Variants in PTPRT observed in about 807,000 individuals in gnomAD.
PTPRT encodes the protein protein tyrosine phosphatase receptor type T.
PTPRT carries 56 observed loss-of-function variants against 176.8 expected under a neutral mutation model. The observed-to-expected ratio is 0.32, with a 90% CI of 0.26 to 0.40. The LOEUF is 0.40. Among genes scored for constraint, PTPRT ranks in the 10% least tolerant of loss-of-function variants. The probability of loss-of-function intolerance (pLI) is 1.00; values close to 1 mark genes in which losing one functional copy is unlikely to be tolerated. For synonymous variants in PTPRT, 783 were observed against 739.0 expected (o/e 1.06, Z -0.96); for missense variants, 1,540 against 1,908.2 (o/e 0.81, Z 3.60).
the PTPRT span, among the ~76,000 whole-genome samples, chr20:42,050,256 CT>C: frequency 1.3e-5 from 2 of 152,108 alleles, no homozygotes; most frequent in African/African-American, 4.8e-5. Context: ...TGGGATCCTT[CT>C]GCTTGTCTGA....
Position 42,905,292 on chromosome 20 carries a change from T to C in PTPRT, c.89-19360A>G, listed in dbSNP as rs191755361. On this transcript the variant is annotated intron_variant, in intron 1 of 30. Transcript: ENST00000373187. ...GACACTTATCAAAAGAAGACATCTA[T>C]GCAGCCAACAGACACATGAAAAAAT... 1.8e-3 allele frequency among the ~76,000 whole-genome samples: 268 copies of C among 152,332 alleles called. 3 individuals carry two copies. Among genetic ancestry groups the C allele is most frequent in the Admixed American group, 1.0e-2 (153 of 15,308 alleles).
chr20:42,212,065 C>T (rs1177735203), intron 15 of PTPRT, among the ~76,000 whole-genome samples: 12 of 138,992 alleles, frequency 8.6e-5, no homozygotes, highest in African/African-American at 3.2e-4. Context: ...CCAAACACCG[C>T]ATATTCTCAC....
At chr20:42,124,110 G>C (rs1387060478) in intron 19 of PTPRT, among the ~76,000 whole-genome samples, 1 of 152,170 alleles carries the variant, frequency 6.6e-6, no homozygotes, top group East Asian at 1.9e-4. Context: ...AGTCCCCAAA[G>C]AGAAAACATT....
intron 7 of PTPRT, among the ~76,000 whole-genome samples, chr20:42,476,471 G>A (rs1026384319): frequency 6.6e-6 from 1 of 152,202 alleles, no homozygotes; most frequent in Non-Finnish European, 1.5e-5. Context: ...AGGTCGGCAT[G>A]CCTTGGGCCT....
chr20:42,715,513 T>C (rs1480985697), intron 6 of PTPRT, among the ~76,000 whole-genome samples: 2 of 152,036 alleles, frequency 1.3e-5, no homozygotes, highest in East Asian at 1.9e-4. Context: ...ATATCTAAAA[T>C]AAAAAGCTTA....
intron 17 of PTPRT, among the ~76,000 whole-genome samples, chr20:42,145,910 T>C (rs1023845116): frequency 6.6e-6 from 1 of 152,214 alleles, no homozygotes; most frequent in Non-Finnish European, 1.5e-5. Context: ...AATCTGGGTA[T>C]GGCAAAAATG....
intron 1 of PTPRT, among the ~76,000 whole-genome samples, chr20:43,007,927 A>G (rs2146144259): frequency 6.6e-6 from 1 of 152,334 alleles, no homozygotes; most frequent in South Asian, 2.1e-4. Flanking sequence ...AGAACCCTCT[A>G]TGAGTGTGAA....
At chr20:42,531,772 C>T (rs1007242615) in intron 7 of PTPRT, among the ~76,000 whole-genome samples, 14 of 152,202 alleles carry the variant, frequency 9.2e-5, no homozygotes, top group Admixed American at 3.9e-4. Flanking sequence ...GGCTGTCCTC[C>T]ACAGGCTTAC....
chr20:42,527,353 C>T (rs2072296834), intron 7 of PTPRT, among the ~76,000 whole-genome samples: 1 of 152,100 alleles, frequency 6.6e-6, no homozygotes. Context: ...TGTGCTTTAT[C>T]CCTGAAATTG....
At chr20:42,815,701 A>G (rs1173850515) in intron 2 of PTPRT, among the ~76,000 whole-genome samples, 1 of 152,230 alleles carries the variant, frequency 6.6e-6, no homozygotes, top group Non-Finnish European at 1.5e-5. Context: ...TGGATTTTTA[A>G]AAGTGTTTAG....
chr20:42,559,900 T>C (rs1358220189), intron 7 of PTPRT, among the ~76,000 whole-genome samples: 2 of 152,226 alleles, frequency 1.3e-5, no homozygotes, highest in Non-Finnish European at 2.9e-5. Flanking sequence ...TGAGAAGTTT[T>C]TGAACTGTAT....
At chr20:42,925,299 C>T (rs913172910) in intron 1 of PTPRT, among the ~76,000 whole-genome samples, 5 of 152,158 alleles carry the variant, frequency 3.3e-5, no homozygotes, top group African/African-American at 1.2e-4. Flanking sequence ...AACCTGGTCT[C>T]ATTTGCTATA....
chr20:43,108,009 G>C (rs1432367380), intron 1 of PTPRT, among the ~76,000 whole-genome samples: 1 of 152,176 alleles, frequency 6.6e-6, no homozygotes, highest in African/African-American at 2.4e-5. Flanking sequence ...ATGTTGCATA[G>C]TGTATTTTTC....
chr20:42,823,159 C>T (rs187694601), intron 2 of PTPRT, among the ~76,000 whole-genome samples: 29 of 151,986 alleles, frequency 1.9e-4, no homozygotes, highest in East Asian at 1.9e-4. Flanking sequence ...AATGATAGAC[C>T]GGATAAAGAA....
intron 1 of PTPRT, among the ~76,000 whole-genome samples, chr20:43,012,977 A>G (rs190503225): frequency 2.8e-4 from 43 of 151,822 alleles, no homozygotes; most frequent in East Asian, 3.9e-4. Context: ...TCCATAAATC[A>G]TTCACAGGAA....
At chr20:42,633,973 ATATAT>A (rs1330820063) in intron 7 of PTPRT, among the ~76,000 whole-genome samples, 1 of 27,040 alleles carries the variant, frequency 3.7e-5, no homozygotes, top group African/African-American at 2.1e-4. Context: ...ATATATTATA[ATATAT>A]TATATATTAT....
At chr20:43,124,110 T>C (rs2013360791) in intron 1 of PTPRT, among the ~76,000 whole-genome samples, 1 of 152,256 alleles carries the variant, frequency 6.6e-6, no homozygotes. Context: ...TCTCTGCTCA[T>C]CTCTGCCAAG....
At chr20:43,084,982 T>C (rs2011565612) in intron 1 of PTPRT, among the ~76,000 whole-genome samples, 1 of 152,216 alleles carries the variant, frequency 6.6e-6, no homozygotes, top group African/African-American at 2.4e-5. Context: ...GCTAGTATAA[T>C]CTAACTTTAA....
At chr20:42,889,518 A>C (rs377283130) in intron 1 of PTPRT, among the ~76,000 whole-genome samples, 1 of 152,216 alleles carries the variant, frequency 6.6e-6, no homozygotes, top group Non-Finnish European at 1.5e-5. Context: ...TGACTTATGC[A>C]TTCAGGACAG....
Sources: allele counts gnomAD v4.1 joint callset (sites outside exome capture counted in the v4.1 genomes callset), GRCh38; gene constraint gnomAD v4.1.1; transcripts MANE v1.5; gene names NCBI Gene and HGNC (gene_info 2026-07-23, HGNC 2026-07-21).